NXPH2: variants seen among roughly 807,000 people sequenced by gnomAD.
NXPH2 encodes neurexophilin 2.
A neutral mutation model predicts 19.8 loss-of-function variants in NXPH2; 5 were observed. That is an observed-to-expected ratio of 0.25 (90% CI 0.13 to 0.53). The LOEUF (loss-of-function observed/expected upper bound fraction) is 0.53. Ranked by LOEUF, NXPH2 falls within the 20% of genes least tolerant of loss-of-function variation. NXPH2 has a pLI of 0.96. For synonymous variants in NXPH2, 154 were observed against 127.4 expected (o/e 1.21, Z -1.41); for missense variants, 289 against 322.8 (o/e 0.90, Z 0.80).
At chr2:138,673,857 G>T (rs1043219467) in intron 1 of NXPH2, among the ~76,000 whole-genome samples, 1 of 151,780 alleles carries the variant, frequency 6.6e-6, no homozygotes, top group Non-Finnish European at 1.5e-5. Context: ...ACCCTCAAAT[G>T]CTTCCCAACC....
intron 1 of NXPH2, among the ~76,000 whole-genome samples, chr2:138,673,459 G>A (rs1028417799): frequency 1.3e-5 from 2 of 152,072 alleles, no homozygotes; most frequent in Admixed American, 1.3e-4. Context: ...TAATGATTAA[G>A]TCAGAGTATT....
At chr2:138,718,793 CT>C (rs1681232512) in intron 1 of NXPH2, among the ~76,000 whole-genome samples, 2 of 152,032 alleles carry the variant, frequency 1.3e-5, no homozygotes, top group Non-Finnish European at 2.9e-5. Context: ...CCATTAATGC[CT>C]TTTTAAAGTT....
chr2:138,677,208 A>T (rs74762199), intron 1 of NXPH2, among the ~76,000 whole-genome samples: 3,170 of 152,288 alleles, frequency 0.021, 49 homozygotes, highest in Non-Finnish European at 0.033. Flanking sequence ...CTTCGGGCTA[A>T]TTTCAGTATC....
At chr2:138,712,690 TGA>T (rs1378880657) in intron 1 of NXPH2, among the ~76,000 whole-genome samples, 1 of 152,134 alleles carries the variant, frequency 6.6e-6, no homozygotes, top group African/African-American at 2.4e-5. Context: ...CCTATGTTCT[TGA>T]GAGTTACTTT....
At chr2:138,683,484 G>A (rs75537871) in intron 1 of NXPH2, among the ~76,000 whole-genome samples, 215 of 152,274 alleles carry the variant, frequency 1.4e-3, no homozygotes, top group African/African-American at 4.9e-3. Flanking sequence ...ATGAGGAGAC[G>A]TATACAGGGG....
intron 1 of NXPH2, among the ~76,000 whole-genome samples, chr2:138,689,946 A>T (rs573906790): frequency 6.6e-6 from 1 of 152,304 alleles, no homozygotes; most frequent in East Asian, 1.9e-4. Context: ...TGCAGGAAGT[A>T]GCTTGAGGGG....
At chr2:138,770,494 A>C (rs978323532) in intron 1 of NXPH2, among the ~76,000 whole-genome samples, 1 of 152,108 alleles carries the variant, frequency 6.6e-6, no homozygotes, top group Non-Finnish European at 1.5e-5. Flanking sequence ...TAGGAGAGTA[A>C]ATTTTAATAT....
At chr2:138,761,893 A>G (rs1378362731) in intron 1 of NXPH2, among the ~76,000 whole-genome samples, 2 of 152,220 alleles carry the variant, frequency 1.3e-5, no homozygotes, top group African/African-American at 4.8e-5. Context: ...AGTAATGCTA[A>G]ACACACAAAA....
intron 1 of NXPH2, among the ~76,000 whole-genome samples, chr2:138,710,911 C>T (rs1184774790): frequency 6.6e-6 from 1 of 152,142 alleles, no homozygotes; most frequent in African/African-American, 2.4e-5. Flanking sequence ...TCTCCCCGAC[C>T]TTCCTTGGGC....
In NXPH2 at chr2:138,737,928, T is replaced by A. The variant is rs959931788; in HGVS notation, c.51+42263A>T. Among the ~76,000 whole-genome samples the A allele has an allele frequency of 4.3e-4, 65 of 151,790 alleles. 1 individual carries two copies. The highest frequency in any genetic ancestry group is 6.8e-3 in the Middle Eastern group (2 of 294). On this transcript the variant is annotated intron_variant, in intron 1 of 1. Transcript: ENST00000272641. ...ACACCTTCATTTTCTTTTTTTTTTT[T>A]AATTATACTTTAAGTTTTAGGGTAC...
intron 1 of NXPH2, among the ~76,000 whole-genome samples, chr2:138,746,916 C>T (rs1004118735): frequency 6.6e-6 from 1 of 152,088 alleles, no homozygotes; most frequent in Non-Finnish European, 1.5e-5. Flanking sequence ...GTATGATAAA[C>T]GCAGTGCCTG....
At chr2:138,677,913 C>T (rs561373376) in intron 1 of NXPH2, among the ~76,000 whole-genome samples, 2 of 152,156 alleles carry the variant, frequency 1.3e-5, no homozygotes, top group Non-Finnish European at 2.9e-5. Flanking sequence ...TATCCCCTAC[C>T]GTTAACATCT....
intron 1 of NXPH2, among the ~76,000 whole-genome samples, chr2:138,673,515 A>T (rs1268116747): frequency 2.0e-5 from 3 of 152,182 alleles, no homozygotes; most frequent in Non-Finnish European, 4.4e-5. Context: ...ATGTATTGGG[A>T]ACATTTCAAG....
chr2:138,735,120 C>T (rs764795192), intron 1 of NXPH2, among the ~76,000 whole-genome samples: 1 of 152,084 alleles, frequency 6.6e-6, no homozygotes, highest in Non-Finnish European at 1.5e-5. Flanking sequence ...CAATGGATGC[C>T]CCTGAACTTG....
At chr2:138,757,314 C>T (rs371906154) in intron 1 of NXPH2, among the ~76,000 whole-genome samples, 12 of 152,042 alleles carry the variant, frequency 7.9e-5, no homozygotes, top group South Asian at 6.2e-4. Flanking sequence ...ATGTAGAAGG[C>T]GTAAGGAAGA....
At chr2:138,732,484 T>C (rs980648772) in intron 1 of NXPH2, among the ~76,000 whole-genome samples, 3 of 152,206 alleles carry the variant, frequency 2.0e-5, no homozygotes, top group Non-Finnish European at 4.4e-5. Flanking sequence ...CTCTGAAATC[T>C]GTCAATGTCA....
At chr2:138,755,143 G>A (rs927195602) in intron 1 of NXPH2, among the ~76,000 whole-genome samples, 6 of 151,758 alleles carry the variant, frequency 4.0e-5, no homozygotes, top group South Asian at 2.1e-4. Context: ...CTCAGTATAC[G>A]GCTTATCTTT....
At chr2:138,748,960 G>T (rs1681784933) in intron 1 of NXPH2, among the ~76,000 whole-genome samples, 2 of 152,200 alleles carry the variant, frequency 1.3e-5, no homozygotes, top group Non-Finnish European at 2.9e-5. Context: ...TTACCAAAAG[G>T]ACATAATTTC....
At chr2:138,742,029 A>T (rs758814338) in intron 1 of NXPH2, among the ~76,000 whole-genome samples, 29 of 152,198 alleles carry the variant, frequency 1.9e-4, no homozygotes, top group Admixed American at 3.3e-4. Context: ...TTACCTCATG[A>T]TTCTAGCCAA....
Sources: allele counts gnomAD v4.1 joint callset (sites outside exome capture counted in the v4.1 genomes callset), GRCh38; gene constraint gnomAD v4.1.1; transcripts MANE v1.5; gene names NCBI Gene and HGNC (gene_info 2026-07-23, HGNC 2026-07-21).